The following KRT33B variants were observed in gnomAD, a reference collection of about 807,000 sequenced individuals.
KRT33B encodes keratin 33B.
In KRT33B, 37 loss-of-function variants were observed where a neutral mutation model predicts 42.7. That is an observed-to-expected ratio of 0.87 (90% CI 0.67 to 1.14). The LOEUF (loss-of-function observed/expected upper bound fraction) is 1.14, where lower values mean the gene tolerates loss of function less well. Ranked by LOEUF, KRT33B falls within the 50% of genes most tolerant of loss-of-function variation. The pLI is 0.00. For synonymous variants in KRT33B, 237 were observed against 221.2 expected (o/e 1.07, Z -0.63); for missense variants, 523 against 515.1 (o/e 1.02, Z -0.15).
rs1465101132 is a variant in KRT33B at position 41,363,538 on chromosome 17, T to A, written c.*298A>T. ...AAGTTTATTAGGCGATTTGGGGAAC[T>A]GCAATAAAGGTAGAAGCAGCAGAGA... On this transcript the variant is annotated 3_prime_UTR_variant, in exon 7 of 7. Transcript: ENST00000251646. 2 of 295,406 alleles carry A rather than the reference T, an allele frequency of 6.8e-6. 1 individual carries two copies. Among genetic ancestry groups the A allele is most frequent in the African/African-American group, 4.4e-5 (2 of 45,040 alleles). The allele number at this position is 295,406 out of a possible 1,614,324, so 18.3% of individuals were successfully genotyped here.
intron 3 of KRT33B, among the ~76,000 whole-genome samples, 180 bp from the exon 4 acceptor site, chr17:41,365,733 T>C (rs1050060338): frequency 1.3e-5 from 2 of 151,380 alleles, no homozygotes; most frequent in Non-Finnish European, 1.5e-5. Flanking sequence ...ATCTGTATGA[T>C]ACGGCTGCTT....
chr17:41,366,600 T>C lies in KRT33B; in HGVS notation c.458A>G (p.Gln153Arg), dbSNP rs2017704771. ...TKYQTEQSLR[Q>R]LVESDINSLR... The stretch of plus-strand genomic sequence containing the variant: ...GCTGTTGATGTCGGACTCCACCAGC[T>C]GCCGCAGGGACTGCTCCGTCTGGTA... Residue 153 changes from glutamine to arginine, a missense_variant, in exon 3 of 7, where the codon CAG becomes CGG. Gln to Arg is a conservative substitution (Grantham distance 43). Coordinates refer to ENST00000251646, the MANE Select transcript of KRT33B (RefSeq NM_002279.5). 6.2e-7 allele frequency: 1 copy of C among 1,611,478 alleles called. No individual in the cohort carries two copies. The highest frequency in any genetic ancestry group is 1.4e-5 in the African/African-American group (1 of 73,106).
At position 41,366,252 on chromosome 17, in the gene KRT33B, C is replaced by T. The variant is rs1028870926; in HGVS notation, c.588+218G>A. On this transcript the variant is annotated intron_variant, in intron 3 of 6. Transcript: ENST00000251646. ...ATATTTGTGTGACCTTTCAGCCATA[C>T]ATGTCTGGTCCCAAGGGGAAGTAGG... 4.0e-5 allele frequency among the ~76,000 whole-genome samples: 6 copies of T among 151,332 alleles called. 1 individual carries two copies. The highest frequency in any genetic ancestry group is 1.5e-4 in the African/African-American group (6 of 40,618).
In KRT33B at chr17:41,369,402, C is replaced by T. The variant is rs764082712; in HGVS notation, c.348+1G>A. The T allele has an allele frequency of 1.4e-5, 22 of 1,612,804 alleles. No homozygotes were observed. The highest frequency in any genetic ancestry group is 1.8e-5 in the Non-Finnish European group (21 of 1,179,592). On this transcript the variant is annotated splice_donor_variant, in intron 1 of 6. Coordinates refer to ENST00000251646, the MANE Select transcript of KRT33B (RefSeq NM_002279.5). LOFTEE classifies it high-confidence loss of function. ...TGGCAGTGTGGTGCCCACCTCCTCA[C>T]CTTCTGCTGGAGCTCCTCAATGGTC...
At position 41,364,781 on chromosome 17, in the gene KRT33B, G is replaced by A. The variant is rs200103998; in HGVS notation, c.1095C>T (p.Cys365=). Residue 365 remains cysteine (C), a splice_region_variant and synonymous_variant, in exon 6 of 7, where the codon TGC becomes TGT. Transcript: ENST00000251646. ...TYRSLLESED[C]KLPSNPCATT... Reference sequence around the variant, plus strand: ...GGTGCCGTCCGCCAGGTACTCACTTGCAGTCCTCGCTCTCCAGCAGGCTCC... The same window carrying A: ...GGTGCCGTCCGCCAGGTACTCACTTACAGTCCTCGCTCTCCAGCAGGCTCC... 6 of 1,612,610 alleles carry A rather than the reference G, an allele frequency of 3.7e-6. No homozygotes were observed. The highest frequency in any genetic ancestry group is 5.1e-6 in the Non-Finnish European group (6 of 1,179,920).
intron 2 of KRT33B, 145 bp downstream of exon 2, chr17:41,367,763 G>T: frequency 1.5e-6 from 1 of 645,696 alleles, no homozygotes; most frequent in Non-Finnish European, 2.7e-6. Context: ...TATTGAAGAG[G>T]CTTTGACATT....
At chr17:41,364,741 C>T (rs1460132109) in intron 6 of KRT33B, 38 bp downstream of exon 6, 14 of 1,610,616 alleles carry the variant, frequency 8.7e-6, no homozygotes, top group East Asian at 4.5e-5. Flanking sequence ...TAGAACAGTG[C>T]CTGTCCCTTG....
Position 41,364,828 on chromosome 17 carries a change from C to T in KRT33B, c.1048G>A (p.Glu350Lys). The change falls in exon 6 of 7, where the codon GAG (glutamate) becomes AAG (lysine). Residue 350 changes from glutamate (E) to lysine (K), a missense_variant. Physicochemically the swap from Glu to Lys is moderately conservative, Grantham distance 56. Transcript: ENST00000251646. ...QVLLDVRARLECEINTYRSLL... is the reference protein window; with the variant it reads ...QVLLDVRARLKCEINTYRSLL... The stretch of plus-strand genomic sequence containing the variant: ...CTCCGGTATGTGTTGATCTCACACT[C>T]CAGCCGCGCCCGCACGTCCAGCAGC... 1 of 1,612,496 alleles carries T rather than the reference C, an allele frequency of 6.2e-7. No individual in the cohort carries two copies. Among genetic ancestry groups the T allele is most frequent in the South Asian group, 1.1e-5 (1 of 91,036 alleles).
At chr17:41,365,608 CTTT>C in intron 3 of KRT33B, 55 bp from the exon 4 acceptor site, 1 of 1,573,238 alleles carries the variant, frequency 6.4e-7, no homozygotes, top group Non-Finnish European at 8.6e-7. Flanking sequence ...TCAATAACTT[CTTT>C]GAGGCAGTTC....
chr17:41,367,477 G>T (rs2017715115), intron 2 of KRT33B, among the ~76,000 whole-genome samples: 1 of 151,342 alleles, frequency 6.6e-6, no homozygotes, highest in Non-Finnish European at 1.5e-5. Flanking sequence ...GCTGAGGCGG[G>T]TGGATCACTT....
chr17:41,369,766 T>G lies in KRT33B; in HGVS notation c.-16A>C, dbSNP rs1379588866. 2.5e-6 allele frequency: 4 copies of G among 1,607,252 alleles called. No individual in the cohort carries two copies. Among genetic ancestry groups the G allele is most frequent in the Non-Finnish European group, 3.4e-6 (4 of 1,175,852 alleles). On this transcript the variant is annotated 5_prime_UTR_variant, in exon 1 of 7. Coordinates refer to ENST00000251646, the MANE Select transcript of KRT33B (RefSeq NM_002279.5). The stretch of plus-strand genomic sequence containing the variant: ...TGTAGGGCATGGTGCAGGGAGGCAG[T>G]GGAGCTCTGGAAGTCAGTTTCAAAA...
At position 41,368,277 on chromosome 17, in the gene KRT33B, A is replaced by G. The variant is rs2017726743; in HGVS notation, c.349-287T>C. ...GTTGGGTGACCAACCATCCCAGTTA[A>G]CTTAGGACTGAGGGGTTTCTGGGAT... On this transcript the variant is annotated intron_variant, in intron 1 of 6. Transcript: ENST00000251646. Among the ~76,000 whole-genome samples the G allele has an allele frequency of 1.3e-5, 2 of 151,366 alleles. 1 individual carries two copies. Among genetic ancestry groups the G allele is most frequent in the African/African-American group, 4.9e-5 (2 of 40,646 alleles).
chr17:41,364,654 G>T, intron 6 of KRT33B, 125 bp downstream of exon 6: 1 of 1,223,876 alleles, frequency 8.2e-7, no homozygotes, highest in African/African-American at 1.6e-5. Context: ...TCCCACGGCT[G>T]TAATATAAAA....
At position 41,368,539 on chromosome 17, in the gene KRT33B, C is replaced by T. The variant is rs72828145; in HGVS notation, c.349-549G>A. ...ATCATTTTGTTTCCACATCTATCTCCCCTGTTAGACTGTGAGCTCCTGAAG... is the reference window on the plus strand; with the variant it reads ...ATCATTTTGTTTCCACATCTATCTCTCCTGTTAGACTGTGAGCTCCTGAAG... On this transcript the variant is annotated intron_variant, in intron 1 of 6. Coordinates refer to ENST00000251646, the MANE Select transcript of KRT33B (RefSeq NM_002279.5). Among the ~76,000 whole-genome samples, 24 of 151,422 alleles carry T rather than the reference C, an allele frequency of 1.6e-4. 1 individual carries two copies. Among genetic ancestry groups the T allele is most frequent in the Non-Finnish European group, 2.5e-4 (17 of 68,022 alleles).
chr17:41,367,961 C>G lies in KRT33B; in HGVS notation c.378G>C (p.Arg126Ser). Residue 126 changes from arginine (R) to serine (S), a missense_variant, in exon 2 of 7, where the codon AGG (arginine) becomes AGC (serine). Arg to Ser is a moderately radical substitution (Grantham distance 110, BLOSUM62 -1). Transcript: ENST00000251646. ...KILCSKSENA[R>S]LVVQIDNAKL... is the part of the protein sequence containing the mutation. Reference sequence around the variant, plus strand: ...TGGCATTGTCGATCTGCACCACCAGCCTGGCATTCTCAGACTTGCTGCACA... The same window carrying G: ...TGGCATTGTCGATCTGCACCACCAGGCTGGCATTCTCAGACTTGCTGCACA... 6.2e-7 allele frequency: 1 copy of G among 1,613,050 alleles called. No individual in the cohort carries two copies. Among genetic ancestry groups the G allele is most frequent in the Non-Finnish European group, 8.5e-7 (1 of 1,180,022 alleles).
At position 41,369,603 on chromosome 17, in the gene KRT33B, C is replaced by T; in HGVS notation, c.148G>A (p.Gly50Ser). The T allele has an allele frequency of 1.2e-6, 2 of 1,613,554 alleles. No homozygotes were observed. The highest frequency in any genetic ancestry group is 2.7e-5 in the African/African-American group (2 of 75,048). The change falls in exon 1 of 7, where the codon GGC becomes AGC. Residue 50 changes from glycine to serine, a missense_variant. Coordinates refer to ENST00000251646, the MANE Select transcript of KRT33B (RefSeq NM_002279.5). ...TCCTTCTCGCTGCCATTGAAGGAGCCCTCGCAGAACCAGTTGCAGTTGCTC... is the reference window on the plus strand; with the variant it reads ...TCCTTCTCGCTGCCATTGAAGGAGCTCTCGCAGAACCAGTTGCAGTTGCTC... ...NVSNCNWFCE[G>S]SFNGSEKETM...
chr17:41,365,369 T>G (rs1475640800), intron 4 of KRT33B, 23 bp downstream of exon 4: 20 of 1,609,008 alleles, frequency 1.2e-5, no homozygotes, highest in Non-Finnish European at 1.6e-5. Context: ...GGGTCCTGAG[T>G]GGCCACGTGC....
Position 41,363,940 on chromosome 17 carries a change from G to C in KRT33B, c.1111C>G (p.Pro371Ala). ...ESEDCKLPSN[P>A]CATTNACEKP... is the part of the protein sequence containing the mutation. ...TCACATGCATTGGTGGTGGCGCAGG[G>C]GTTGGAGGGCAGCCTGGGATGCAGA... The change falls in exon 7 of 7, where the codon CCC (proline) becomes GCC (alanine). Residue 371 changes from proline (P) to alanine (A), a missense_variant. Coordinates refer to ENST00000251646, the MANE Select transcript of KRT33B (RefSeq NM_002279.5). 1 of 1,610,440 alleles carries C rather than the reference G, an allele frequency of 6.2e-7. No homozygotes were observed. Among genetic ancestry groups the C allele is most frequent in the Non-Finnish European group, 8.5e-7 (1 of 1,178,860 alleles).
chr17:41,366,013 TTTGAG>T (rs1395671788), intron 3 of KRT33B, among the ~76,000 whole-genome samples: 2 of 151,410 alleles, frequency 1.3e-5, no homozygotes, highest in South Asian at 2.1e-4. Context: ...TCAACCATTA[TTTGAG>T]TTATTTCATT....
Sources: allele counts gnomAD v4.1 joint callset (sites outside exome capture counted in the v4.1 genomes callset), GRCh38; gene constraint gnomAD v4.1.1; transcripts MANE v1.5; gene names NCBI Gene and HGNC (gene_info 2026-07-23, HGNC 2026-07-21).